Variants in SEC63 observed in about 807,000 individuals in gnomAD.
SEC63 encodes SEC63 protein translocation regulator.
Under a neutral mutation model 116.2 loss-of-function variants are expected in SEC63, and 56 were observed. The ratio of observed to expected loss-of-function variants is 0.48; its 90% CI spans 0.39 to 0.60. The LOEUF (loss-of-function observed/expected upper bound fraction) is 0.60, where lower values mean the gene tolerates loss of function less well. Ranked by LOEUF, SEC63 falls within the 20% of genes least tolerant of loss-of-function variation. The pLI is 0.00. For synonymous variants in SEC63, 273 were observed against 294.6 expected, an observed-to-expected ratio of 0.93 and a Z score of 0.75; for missense variants, 668 against 900.0, an observed-to-expected ratio of 0.74 and a Z score of 3.30.
intron 7 of SEC63, 173 bp downstream of exon 7, chr6:107,911,173 C>T (rs1043847487): frequency 6.4e-6 from 4 of 622,850 alleles, no homozygotes; most frequent in Admixed American, 5.4e-5. Context: ...CTCACCGCAA[C>T]CTCAAACACC....
rs6922398 is a variant in SEC63 at position 107,911,455 on chromosome 6, T to A, written c.574-59A>T. 0.012 allele frequency: 13,766 copies of A among 1,175,594 alleles called. 909 individuals are homozygous for A. In the African/African-American group the frequency reaches 0.16, roughly 14 times the overall value. 72.8% of individuals were successfully genotyped at this position (1,175,594 alleles called of 1,614,324 possible). On this transcript the variant is annotated intron_variant, in intron 6 of 20. Coordinates refer to ENST00000369002, the MANE Select transcript of SEC63 (RefSeq NM_007214.5). ...GTCAGGTAAATTAAAACAACATCCA[T>A]GAATTTATTTTGAGGCTTACAATGG...
chr6:107,919,727 C>T (rs1275477111), intron 4 of SEC63, among the ~76,000 whole-genome samples: 1 of 151,650 alleles, frequency 6.6e-6, no homozygotes, highest in Non-Finnish European at 1.5e-5. Context: ...GAGGCTGAGG[C>T]AGGAGAATGG....
In SEC63 at chr6:107,871,762, C is replaced by G; in HGVS notation, c.2225G>C (p.Ser742Thr). ...AIEGDEDQED[S>T]EGFEDSFEEE... ...CTCAAAGCTATCTTCAAAGCCCTCA[C>G]TGTCCTCCTGGTCTTCATCCCCCTC... Residue 742 changes from serine to threonine, a missense_variant, in exon 21 of 21, where the codon AGT becomes ACT. Physicochemically the swap from Ser to Thr is moderately conservative, Grantham distance 58. This residue lies in a region of SEC63 where 85 missense variants were observed against 116.3 expected (regional missense o/e 0.73). Transcript: ENST00000369002. 1 of 1,613,728 alleles carries G rather than the reference C, an allele frequency of 6.2e-7. No homozygotes were observed. The highest frequency in any genetic ancestry group is 1.1e-5 in the South Asian group (1 of 91,066).
intron 1 of SEC63, among the ~76,000 whole-genome samples, chr6:107,941,227 T>G (rs1415376879): frequency 1.3e-5 from 2 of 152,010 alleles, no homozygotes; most frequent in African/African-American, 4.8e-5. Context: ...AGATTTTGGG[T>G]GTTAATACAA....
At chr6:107,935,156 CGGGA>C (rs1260613641) in intron 1 of SEC63, among the ~76,000 whole-genome samples, 2 of 147,870 alleles carry the variant, frequency 1.4e-5, no homozygotes, top group East Asian at 4.2e-4. Flanking sequence ...CTGCCCCGTC[CGGGA>C]GGGAGGTGGG....
chr6:107,951,991 T>G (rs1050646954), intron 1 of SEC63, among the ~76,000 whole-genome samples: 8 of 149,998 alleles, frequency 5.3e-5, no homozygotes, highest in Admixed American at 3.3e-4. Context: ...AAAAAAAAAG[T>G]TCCCGAAGTG....
At chr6:107,929,538 G>T in intron 1 of SEC63, 24 bp from the exon 2 acceptor site, 3 of 1,406,486 alleles carry the variant, frequency 2.1e-6, no homozygotes, top group Non-Finnish European at 2.0e-6. Flanking sequence ...AAAATAAGAT[G>T]AATTAAAAAC....
chr6:107,913,303 C>T, intron 5 of SEC63, 63 bp downstream of exon 5: 1 of 1,029,616 alleles, frequency 9.7e-7, no homozygotes, highest in Non-Finnish European at 1.5e-6. Flanking sequence ...TTCCTTTAAT[C>T]TGGTTAACAT....
At chr6:107,896,360 A>G (rs1786818488) in intron 14 of SEC63, among the ~76,000 whole-genome samples, 1 of 151,628 alleles carries the variant, frequency 6.6e-6, no homozygotes, top group Non-Finnish European at 1.5e-5. Context: ...GCTACTAGAG[A>G]GAGACTGAGG....
intron 1 of SEC63, among the ~76,000 whole-genome samples, chr6:107,938,637 A>G (rs940888103): frequency 6.7e-6 from 1 of 149,502 alleles, no homozygotes; most frequent in African/African-American, 2.5e-5. Context: ...ATCTCAGCTC[A>G]CTGCAACCTC....
intron 14 of SEC63, 85 bp from the exon 15 acceptor site, chr6:107,893,982 T>A (rs1485634781): frequency 7.2e-7 from 1 of 1,388,266 alleles, no homozygotes; most frequent in African/African-American, 1.4e-5. Flanking sequence ...CAAACTGCAT[T>A]TTTATTAAGT....
chr6:107,922,126 A>G (rs933746525), intron 3 of SEC63, among the ~76,000 whole-genome samples: 1 of 152,194 alleles, frequency 6.6e-6, no homozygotes, highest in Non-Finnish European at 1.5e-5. Flanking sequence ...TATTTTATTG[A>G]GCACCTACTA....
chr6:107,883,522 C>T (rs1015296246), intron 16 of SEC63: 1 of 219,686 alleles, frequency 4.6e-6, no homozygotes, highest in Non-Finnish European at 9.0e-6. Flanking sequence ...GGGCCAGTCA[C>T]AGCGACTCAT....
At chr6:107,899,153 G>A (rs1218268060) in intron 13 of SEC63, among the ~76,000 whole-genome samples, 2 of 152,170 alleles carry the variant, frequency 1.3e-5, no homozygotes, top group African/African-American at 2.4e-5. Context: ...TTCTATTACA[G>A]ATTCTAGCAA....
chr6:107,869,166 C>G lies in SEC63; in HGVS notation c.*2538G>C, dbSNP rs535569282. On this transcript the variant is annotated 3_prime_UTR_variant, in exon 21 of 21. Transcript: ENST00000369002. ...AAGCAGAGCAGAAGGTATTGTTCTACACAGAGAACTTCACTCAATGTGCTC... is the reference window on the plus strand; with the variant it reads ...AAGCAGAGCAGAAGGTATTGTTCTAGACAGAGAACTTCACTCAATGTGCTC... The G allele has an allele frequency of 2.6e-4, 40 of 151,994 alleles. No homozygotes were observed. Among genetic ancestry groups the G allele is most frequent in the African/African-American group, 9.2e-4 (38 of 41,434 alleles). 9.4% of individuals were successfully genotyped at this position (151,994 alleles called of 1,614,324 possible).
intron 14 of SEC63, among the ~76,000 whole-genome samples, chr6:107,895,678 G>C (rs1259028891): frequency 2.6e-5 from 4 of 151,908 alleles, no homozygotes; most frequent in African/African-American, 9.7e-5. Flanking sequence ...TGAATAAATT[G>C]AGTCAAAATA....
chr6:107,946,028 C>G (rs1770475415), intron 1 of SEC63, among the ~76,000 whole-genome samples: 1 of 152,058 alleles, frequency 6.6e-6, no homozygotes, highest in Admixed American at 6.6e-5. Flanking sequence ...CCTCTGCCTC[C>G]CAGGTTCAAG....
intron 2 of SEC63, among the ~76,000 whole-genome samples, 165 bp downstream of exon 2, chr6:107,929,250 A>G (rs1787743564): frequency 6.6e-6 from 1 of 152,150 alleles, no homozygotes; most frequent in Non-Finnish European, 1.5e-5. Context: ...GAACTTCTAA[A>G]CCAATCTGTT....
Position 107,870,421 on chromosome 6 carries a change from T to C in SEC63, c.*1283A>G, listed in dbSNP as rs1384445895. The C allele has an allele frequency of 6.6e-6, 1 of 152,664 alleles. No homozygotes were observed. The highest frequency in any genetic ancestry group is 2.4e-5 in the African/African-American group (1 of 41,466). The allele number at this position is 152,664 out of a possible 1,614,324, so 9.5% of individuals were successfully genotyped here. A position where few individuals can be genotyped will look rare whatever the true frequency, so the allele number is the denominator to read the frequency against. ...AAGTAAACAAGGTTGCAAATTTTAG[T>C]ATTCCAACAATATTTTGACCTATGG... On this transcript the variant is annotated 3_prime_UTR_variant, in exon 21 of 21. Coordinates refer to ENST00000369002, the MANE Select transcript of SEC63 (RefSeq NM_007214.5).
Sources: gnomAD v4.1 joint callset for allele counts (sites outside exome capture counted in the v4.1 genomes callset) on GRCh38, gnomAD v4.1.1 for gene constraint, gnomAD v4.1.1 regional missense constraint, MANE v1.5 for transcripts, NCBI Gene and HGNC (gene_info 2026-07-23, HGNC 2026-07-21) for gene names.